Variants in MSRA observed in about 807,000 individuals in gnomAD.
MSRA encodes the protein methionine sulfoxide reductase A, also known as mitochondrial peptide methionine sulfoxide reductase.
A neutral mutation model predicts 31.3 loss-of-function variants in MSRA; 54 were observed. The observed-to-expected ratio is 1.73, with a 90% confidence interval of 1.39 to 2.17. The LOEUF (loss-of-function observed/expected upper bound fraction) is 2.17. Among genes scored for constraint, MSRA ranks in the 30% most tolerant of loss-of-function variants. The pLI is 0.00. For missense variants in MSRA, 507 were observed against 300.9 expected (o/e 1.69, Z -5.07); for synonymous variants, 169 against 116.5 (o/e 1.45, Z -2.90).
intron 4 of MSRA, among the ~76,000 whole-genome samples, chr8:10,317,418 G>A (rs779196081): frequency 1.1e-4 from 17 of 152,228 alleles, no homozygotes; most frequent in Non-Finnish European, 2.4e-4. Flanking sequence ...TATAGATGAA[G>A]CGTTTCTGTT....
At chr8:10,113,608 G>C (rs1430543728) in intron 1 of MSRA, among the ~76,000 whole-genome samples, 2 of 151,796 alleles carry the variant, frequency 1.3e-5, no homozygotes, top group African/African-American at 4.8e-5. Flanking sequence ...AATGGGTACT[G>C]GCCATTAAGA....
intron 5 of MSRA, among the ~76,000 whole-genome samples, chr8:10,359,489 T>C (rs1245878029): frequency 6.6e-6 from 1 of 152,202 alleles, no homozygotes; most frequent in Non-Finnish European, 1.5e-5. Flanking sequence ...TTTATAGTTT[T>C]TTGGTCCATC....
chr8:10,404,694 G>C (rs1167322784), intron 5 of MSRA, among the ~76,000 whole-genome samples: 2 of 152,214 alleles, frequency 1.3e-5, no homozygotes, highest in South Asian at 2.1e-4. Context: ...AACACAGCCC[G>C]GCCCTCCGTG....
intron 5 of MSRA, among the ~76,000 whole-genome samples, chr8:10,426,828 A>G (rs1018783367): frequency 6.6e-6 from 1 of 152,234 alleles, no homozygotes; most frequent in Admixed American, 6.5e-5. Context: ...AATAATTGCT[A>G]GTTTACAAAA....
chr8:10,427,616 G>A (rs1298303621), intron 5 of MSRA, among the ~76,000 whole-genome samples: 4 of 152,172 alleles, frequency 2.6e-5, no homozygotes, highest in Non-Finnish European at 5.9e-5. Flanking sequence ...TCTATCCTGG[G>A]AGTGGGCTGG....
intron 3 of MSRA, among the ~76,000 whole-genome samples, chr8:10,271,913 G>A (rs951522764): frequency 6.6e-6 from 1 of 151,986 alleles, no homozygotes; most frequent in South Asian, 2.1e-4. Context: ...AGACAGAGTT[G>A]GTCAGGCTGG....
At chr8:10,091,444 A>T (rs1029639221) in intron 1 of MSRA, among the ~76,000 whole-genome samples, 1 of 152,174 alleles carries the variant, frequency 6.6e-6, no homozygotes, top group African/African-American at 2.4e-5. Context: ...TTTACCATAT[A>T]TATTTTCCTC....
chr8:10,267,244 C>G (rs557446728), intron 3 of MSRA, among the ~76,000 whole-genome samples: 1 of 152,158 alleles, frequency 6.6e-6, no homozygotes, highest in Non-Finnish European at 1.5e-5. Context: ...GGACGGCTAT[C>G]CCAAACAATG....
chr8:10,116,939 C>T (rs752459746), intron 1 of MSRA, among the ~76,000 whole-genome samples: 5 of 152,172 alleles, frequency 3.3e-5, no homozygotes, highest in African/African-American at 4.8e-5. Flanking sequence ...GCACTCTAGC[C>T]TGGGCAACAA....
intron 1 of MSRA, among the ~76,000 whole-genome samples, chr8:10,060,138 C>G (rs547934448): frequency 6.6e-6 from 1 of 152,056 alleles, no homozygotes; most frequent in African/African-American, 2.4e-5. Flanking sequence ...AACTGCTATG[C>G]ATGCCAAATG....
At chr8:10,404,168 G>A (rs1285600972) in intron 5 of MSRA, among the ~76,000 whole-genome samples, 2 of 152,102 alleles carry the variant, frequency 1.3e-5, no homozygotes, top group African/African-American at 2.4e-5. Context: ...CCTGGTCCAC[G>A]TGGAGAGGTC....
chr8:10,379,851 C>G (rs575687632), intron 5 of MSRA, among the ~76,000 whole-genome samples: 12 of 152,138 alleles, frequency 7.9e-5, no homozygotes, highest in Admixed American at 3.9e-4. Flanking sequence ...GGATAAAATT[C>G]GAACTTCATG....
intron 2 of MSRA, among the ~76,000 whole-genome samples, chr8:10,234,740 G>C (rs901539443): frequency 3.3e-5 from 5 of 151,882 alleles, no homozygotes; most frequent in Admixed American, 2.6e-4. Flanking sequence ...AAAGAAGACT[G>C]GGAAAACATA....
chr8:10,304,301 C>T (rs750468585), intron 4 of MSRA, among the ~76,000 whole-genome samples: 1 of 152,210 alleles, frequency 6.6e-6, no homozygotes, highest in African/African-American at 2.4e-5. Flanking sequence ...TTGGTTAATG[C>T]ACATGGAAAA....
intron 1 of MSRA, among the ~76,000 whole-genome samples, chr8:10,186,186 G>A (rs1807034582): frequency 6.6e-6 from 1 of 152,114 alleles, no homozygotes; most frequent in South Asian, 2.1e-4. Flanking sequence ...CCTCTTCACT[G>A]AAAGAGGTGC....
intron 1 of MSRA, among the ~76,000 whole-genome samples, chr8:10,102,309 A>T (rs578149532): frequency 6.6e-6 from 1 of 152,140 alleles, no homozygotes; most frequent in Non-Finnish European, 1.5e-5. Context: ...AGTGCTTGAT[A>T]CTGATTATTT....
chr8:10,240,637 C>T (rs1411298132), intron 2 of MSRA, among the ~76,000 whole-genome samples: 3 of 152,312 alleles, frequency 2.0e-5, no homozygotes, highest in African/African-American at 7.2e-5. Context: ...GACTAGGCAG[C>T]CAAGCCACTT....
chr8:10,377,005 C>T (rs557510501), intron 5 of MSRA, among the ~76,000 whole-genome samples: 6 of 152,276 alleles, frequency 3.9e-5, no homozygotes, highest in African/African-American at 1.2e-4. Flanking sequence ...TGTGTGACCT[C>T]GGGTAAGCCA....
intron 1 of MSRA, among the ~76,000 whole-genome samples, chr8:10,076,535 A>T (rs1585096407): frequency 6.6e-6 from 1 of 152,242 alleles, no homozygotes; most frequent in Admixed American, 6.5e-5. Context: ...TTGATGGTCA[A>T]CATGGGTGTG....
Sources: allele counts gnomAD v4.1 joint callset (sites outside exome capture counted in the v4.1 genomes callset), GRCh38; gene constraint gnomAD v4.1.1; transcripts MANE v1.5; gene names NCBI Gene and HGNC (gene_info 2026-07-23, HGNC 2026-07-21).